Variants in NAV2 observed in about 807,000 individuals in gnomAD.
The protein encoded by NAV2 is helicase, APC down-regulated 1.
A neutral mutation model predicts 223.2 loss-of-function variants in NAV2; 54 were observed. The observed-to-expected ratio is 0.24, with a 90% CI of 0.19 to 0.30. The LOEUF is 0.30. NAV2 is among the 10% of genes least tolerant of loss of function. NAV2 has a pLI of 1.00. For synonymous variants in NAV2, 1,279 were observed against 1,239.3 expected (o/e 1.03, Z -0.67); for missense variants, 2,806 against 3,147.5 (o/e 0.89, Z 2.60).
intron 1 of NAV2, among the ~76,000 whole-genome samples, chr11:19,489,613 G>A (rs1029157387): frequency 2.0e-5 from 3 of 152,180 alleles, no homozygotes; most frequent in South Asian, 2.1e-4. Flanking sequence ...TAAATTACAC[G>A]GAGTTGGTGC....
chr11:19,547,079 G>A (rs2044523910), intron 1 of NAV2, among the ~76,000 whole-genome samples: 1 of 152,154 alleles, frequency 6.6e-6, no homozygotes, highest in South Asian at 2.1e-4. Context: ...TTGACATGGG[G>A]GTGGTCCCTG....
At chr11:19,863,563 C>T (rs937546750) in intron 3 of NAV2, among the ~76,000 whole-genome samples, 5 of 152,154 alleles carry the variant, frequency 3.3e-5, no homozygotes, top group African/African-American at 1.2e-4. Context: ...GGGGCTACAT[C>T]AGTGAGCAAA....
intron 11 of NAV2, among the ~76,000 whole-genome samples, chr11:20,035,635 G>A (rs2056276038): frequency 6.6e-6 from 1 of 152,152 alleles, no homozygotes; most frequent in African/African-American, 2.4e-5. Context: ...CTGCCACTAG[G>A]CCTGGGAAGG....
Position 19,946,519 on chromosome 11 carries a change from G to C in NAV2, c.2255+10G>C. 6.2e-7 allele frequency: 1 copy of C among 1,606,610 alleles called. No individual in the cohort carries two copies. The highest frequency in any genetic ancestry group is 1.3e-5 in the African/African-American group (1 of 74,870). On this transcript the variant is annotated intron_variant, in intron 9 of 37. Transcript: ENST00000349880. ...CTCAGGTTACACACAGGTATCTGCA[G>C]TGTGAATTACTTTACTGAACTACCT... is the stretch of plus-strand genomic sequence containing the variant.
At chr11:19,927,320 G>A (rs919246969) in intron 6 of NAV2, among the ~76,000 whole-genome samples, 2 of 152,182 alleles carry the variant, frequency 1.3e-5, no homozygotes. Flanking sequence ...AGTGGCTCAC[G>A]CCTGTAATCC....
chr11:19,872,009 T>G (rs2062541981), intron 4 of NAV2, among the ~76,000 whole-genome samples: 1 of 152,120 alleles, frequency 6.6e-6, no homozygotes, highest in Admixed American at 6.6e-5. Flanking sequence ...TCTTCTTATA[T>G]TTTTTGGAGG....
rs114049663 is a variant in NAV2 at position 19,740,781 on chromosome 11, T to C, written c.267+26819T>C. Reference sequence around the variant, plus strand: ...ATGTGACATATATTGTTTTCTCCAGTCCTCACAAAAAGCCTATAAGGTAGA... The same window carrying C: ...ATGTGACATATATTGTTTTCTCCAGCCCTCACAAAAAGCCTATAAGGTAGA... On this transcript the variant is annotated intron_variant, in intron 1 of 37. Transcript: ENST00000349880. Among the ~76,000 whole-genome samples the C allele has an allele frequency of 5.9e-3, 901 of 152,244 alleles. 10 individuals carry two copies. The highest frequency in any genetic ancestry group is 0.021 in the African/African-American group (861 of 41,530).
intron 5 of NAV2, among the ~76,000 whole-genome samples, chr11:19,883,300 G>T (rs2063334475): frequency 6.6e-6 from 1 of 152,168 alleles, no homozygotes; most frequent in South Asian, 2.1e-4. Context: ...CTGGCATGAA[G>T]GAATCAGAGC....
chr11:19,612,138 C>T (rs1024588990), intron 1 of NAV2, among the ~76,000 whole-genome samples: 19 of 152,216 alleles, frequency 1.2e-4, no homozygotes, highest in Non-Finnish European at 2.5e-4. Context: ...ACATTGGCCC[C>T]TTTCAGCCAT....
chr11:19,660,864 T>C (rs2048258410), intron 1 of NAV2, among the ~76,000 whole-genome samples: 1 of 152,194 alleles, frequency 6.6e-6, no homozygotes. Context: ...CACTTTTCTG[T>C]GCAAATGCTC....
At chr11:19,866,873 A>C (rs997271493) in intron 3 of NAV2, among the ~76,000 whole-genome samples, 1 of 151,938 alleles carries the variant, frequency 6.6e-6, no homozygotes, top group Non-Finnish European at 1.5e-5. Context: ...TCTTTTTCTC[A>C]CTTTCCATGG....
intron 1 of NAV2, among the ~76,000 whole-genome samples, chr11:19,562,151 A>G (rs1249831075): frequency 6.6e-6 from 1 of 152,254 alleles, no homozygotes; most frequent in Non-Finnish European, 1.5e-5. Context: ...AGTAAAAATA[A>G]CAAAAACCAT....
intron 11 of NAV2, among the ~76,000 whole-genome samples, chr11:19,996,717 T>C (rs576823469): frequency 1.3e-5 from 2 of 152,332 alleles, no homozygotes; most frequent in South Asian, 4.1e-4. Context: ...AAGAAGAGGC[T>C]AGCCTTGTGT....
At chr11:19,945,175 CCCT>C (rs1565615162) in intron 8 of NAV2, among the ~76,000 whole-genome samples, 6 of 91,010 alleles carry the variant, frequency 6.6e-5, no homozygotes, top group Admixed American at 4.8e-4. Flanking sequence ...CCCTTCCCTT[CCCT>C]TCCCTTCCCT....
At chr11:19,430,333 G>A (rs188725149) in intron 1 of NAV2, among the ~76,000 whole-genome samples, 1 of 152,342 alleles carries the variant, frequency 6.6e-6, no homozygotes. Context: ...TCGGCATGTG[G>A]TCTCTGCCCC....
chr11:20,004,194 A>G (rs775691783), intron 11 of NAV2, among the ~76,000 whole-genome samples: 8 of 152,166 alleles, frequency 5.3e-5, no homozygotes, highest in Non-Finnish European at 1.2e-4. Flanking sequence ...TTCCCTCCAT[A>G]TCACCTCAAA....
intron 1 of NAV2, among the ~76,000 whole-genome samples, chr11:19,376,521 A>G (rs767856079): frequency 1.3e-5 from 2 of 152,214 alleles, no homozygotes; most frequent in African/African-American, 2.4e-5. Context: ...CTCGAACCCA[A>G]CTTCTCTTAT....
intron 1 of NAV2, among the ~76,000 whole-genome samples, chr11:19,639,717 G>A (rs995692815): frequency 9.9e-5 from 15 of 152,200 alleles, no homozygotes; most frequent in South Asian, 2.1e-4. Flanking sequence ...GAAAAGCAAC[G>A]TCCTGAGTGT....
intron 1 of NAV2, among the ~76,000 whole-genome samples, chr11:19,757,974 C>A (rs1446827587): frequency 6.6e-6 from 1 of 152,086 alleles, no homozygotes; most frequent in African/African-American, 2.4e-5. Context: ...TCATCATTGC[C>A]CAGTTATTGG....
Sources: gnomAD v4.1 joint callset for allele counts (sites outside exome capture counted in the v4.1 genomes callset) on GRCh38, gnomAD v4.1.1 for gene constraint, MANE v1.5 for transcripts, NCBI Gene and HGNC (gene_info 2026-07-23, HGNC 2026-07-21) for gene names.